Variants in ZNF527 observed in about 807,000 individuals in gnomAD.
ZNF527 encodes the protein zinc finger protein 527.
A neutral mutation model predicts 13.5 loss-of-function variants in ZNF527; 5 were observed. The observed-to-expected ratio is 0.37, with a 90% CI of 0.19 to 0.78. The LOEUF is 0.78. Ranked by LOEUF, ZNF527 falls within the 30% of genes least tolerant of loss-of-function variation. The pLI, the probability that ZNF527 is intolerant of heterozygous loss-of-function variation, is 0.48. For missense variants in ZNF527, 628 were observed against 726.4 expected (o/e 0.86, Z 1.56); for synonymous variants, 209 against 243.1 (o/e 0.86, Z 1.30).
Position 37,389,811 on chromosome 19 carries a change from G to A in ZNF527, c.1762G>A (p.Gly588Arg). Residue 588 changes from glycine to arginine, a missense_variant, in exon 5 of 5, where the codon GGG (glycine) becomes AGG (arginine). Around this residue, in one of 3 missense-constraint regions of ZNF527, gnomAD observed 592 missense variants for 678.0 expected, o/e 0.87. Coordinates refer to ENST00000436120, the MANE Select transcript of ZNF527 (RefSeq NM_032453.2). Reference protein sequence around the residue: ...GEKPYKCNECGNNFSCVSALR... With the variant: ...GEKPYKCNECRNNFSCVSALR... ...AAAACCTTATAAATGTAACGAATGT[G>A]GGAATAATTTTAGCTGTGTCTCAGC... is the stretch of plus-strand genomic sequence containing the variant. 2 of 1,613,166 alleles carry A rather than the reference G, an allele frequency of 1.2e-6. No homozygotes were observed. Among genetic ancestry groups the A allele is most frequent in the Non-Finnish European group, 1.7e-6 (2 of 1,179,958 alleles).
chr19:37,384,966 C>A (rs761126206), intron 4 of ZNF527: 10 of 701,904 alleles, frequency 1.4e-5, no homozygotes, highest in South Asian at 7.4e-5. Context: ...CCTCAGCATG[C>A]ACACCACTGC....
chr19:37,373,443 T>G (rs1346489923), intron 1 of ZNF527, among the ~76,000 whole-genome samples: 1 of 152,198 alleles, frequency 6.6e-6, no homozygotes, highest in Admixed American at 6.5e-5. Flanking sequence ...ATTTATTCAT[T>G]TATCTAATTT....
intron 2 of ZNF527, among the ~76,000 whole-genome samples, chr19:37,376,948 A>G (rs2040613585): frequency 6.6e-6 from 1 of 152,154 alleles, no homozygotes; most frequent in African/African-American, 2.4e-5. Flanking sequence ...AATAAAAATG[A>G]TATTTTTTCT....
chr19:37,382,059 A>G (rs1023289546), intron 4 of ZNF527, among the ~76,000 whole-genome samples: 120 of 152,138 alleles, frequency 7.9e-4, no homozygotes, highest in Non-Finnish European at 3.1e-4. Flanking sequence ...ACCTTCTGAC[A>G]TGCCCCCATG....
chr19:37,385,035 A>G (rs1383461016), intron 4 of ZNF527: 1 of 688,952 alleles, frequency 1.5e-6, no homozygotes, highest in South Asian at 1.5e-5. Flanking sequence ...TGTGTTGCCC[A>G]GGCTGGTCTA....
chr19:37,372,557 C>T (rs573000038), intron 1 of ZNF527, among the ~76,000 whole-genome samples: 1 of 144,518 alleles, frequency 6.9e-6, no homozygotes, highest in Non-Finnish European at 1.5e-5. Flanking sequence ...ACAGCACCCT[C>T]TACCTCCTGG....
chr19:37,373,824 G>A (rs993262367), intron 1 of ZNF527, among the ~76,000 whole-genome samples: 1 of 152,204 alleles, frequency 6.6e-6, no homozygotes, highest in African/African-American at 2.4e-5. Flanking sequence ...AGTAACAGTA[G>A]GAAGACATGT....
chr19:37,372,462 CTTTTCTTTTTT>C (rs1157100020), intron 1 of ZNF527, among the ~76,000 whole-genome samples: 22 of 106,684 alleles, frequency 2.1e-4, no homozygotes, highest in African/African-American at 3.2e-4. Context: ...CTTTTCTTTT[CTTTTCTTTTTT>C]TTTTTTTTTT....
In ZNF527 at chr19:37,388,782, C is replaced by T; in HGVS notation, c.733C>T (p.Pro245Ser). The change falls in exon 5 of 5, where the codon CCT becomes TCT. Residue 245 changes from proline (P) to serine (S), a missense_variant. Pro to Ser is a moderately conservative substitution (Grantham distance 74). This residue lies in a region of ZNF527 where 592 missense variants were observed against 678.0 expected (regional missense o/e 0.87). Transcript: ENST00000436120. ...KDIGIPPGEK[P>S]YESHDFSKLL... ...TATAGGAATTCCTCCTGGGGAGAAA[C>T]CTTATGAAAGTCATGATTTTTCAAA... 1.2e-6 allele frequency: 2 copies of T among 1,612,982 alleles called. No individual in the cohort carries two copies. The highest frequency in any genetic ancestry group is 1.7e-6 in the Non-Finnish European group (2 of 1,179,802).
chr19:37,376,690 A>T (rs2040611226), intron 2 of ZNF527, among the ~76,000 whole-genome samples: 1 of 146,838 alleles, frequency 6.8e-6, no homozygotes, highest in Non-Finnish European at 1.5e-5. Context: ...TCCAAAAAAA[A>T]AAAAAAAAAA....
rs2040760236 is a variant in ZNF527, at chr19:37,392,173, CAT to C, written c.*2297_*2298del. ...AACTTATGTTACATCTAATCTGAAA[CAT>C]ATTAATATTATAAGCTTAATTCATG... is the stretch of plus-strand genomic sequence containing the variant. On this transcript the variant is annotated 3_prime_UTR_variant, in exon 5 of 5. Coordinates refer to ENST00000436120, the MANE Select transcript of ZNF527 (RefSeq NM_032453.2). The C allele has an allele frequency of 6.6e-6, 1 of 151,928 alleles. No individual in the cohort carries two copies. Among genetic ancestry groups the C allele is most frequent in the Non-Finnish European group, 1.5e-5 (1 of 67,996 alleles). The allele number at this position is 151,928 out of a possible 1,614,324, so 9.4% of individuals were successfully genotyped here. A position where few individuals can be genotyped will look rare whatever the true frequency, so the allele number is the denominator to read the frequency against.
At chr19:37,380,138 C>T in intron 3 of ZNF527, 139 bp from the exon 4 acceptor site, 1 of 1,423,372 alleles carries the variant, frequency 7.0e-7, no homozygotes, top group South Asian at 1.5e-5. Flanking sequence ...TCATTCCATT[C>T]TCTAGCTCTT....
chr19:37,386,330 C>A (rs8112900), intron 4 of ZNF527, among the ~76,000 whole-genome samples: 1 of 151,736 alleles, frequency 6.6e-6, no homozygotes, highest in Admixed American at 6.6e-5. Context: ...TCAGTAGAGA[C>A]GAGGTTTCAC....
At chr19:37,381,103 T>C (rs1248978397) in intron 4 of ZNF527, among the ~76,000 whole-genome samples, 1 of 152,226 alleles carries the variant, frequency 6.6e-6, no homozygotes, top group African/African-American at 2.4e-5. Flanking sequence ...TATTTTATTA[T>C]GGCCATTTAG....
chr19:37,381,296 T>C (rs2040651885), intron 4 of ZNF527, among the ~76,000 whole-genome samples: 1 of 152,210 alleles, frequency 6.6e-6, no homozygotes, highest in South Asian at 2.1e-4. Context: ...TCTTTCAAGA[T>C]ACTTGGACAT....
In ZNF527 at chr19:37,390,409, G is replaced by C. The variant is rs2040743115; in HGVS notation, c.*530G>C. On this transcript the variant is annotated 3_prime_UTR_variant, in exon 5 of 5. Transcript: ENST00000436120. ...ATGATTCAGATGAAACTGTTAATCAGGGACAGCAGTGGACTGGTCACAGGC... is the reference window on the plus strand; with the variant it reads ...ATGATTCAGATGAAACTGTTAATCACGGACAGCAGTGGACTGGTCACAGGC... The C allele has an allele frequency of 6.5e-6, 1 of 154,104 alleles. No homozygotes were observed. Among genetic ancestry groups the C allele is most frequent in the Admixed American group, 6.4e-5 (1 of 15,634 alleles). 9.5% of individuals were successfully genotyped at this position (154,104 alleles called of 1,614,324 possible). A position where few individuals can be genotyped will look rare whatever the true frequency, so the allele number is the denominator to read the frequency against.
chr19:37,387,083 A>C (rs1331055611), intron 4 of ZNF527, among the ~76,000 whole-genome samples: 1 of 152,138 alleles, frequency 6.6e-6, no homozygotes, highest in Non-Finnish European at 1.5e-5. Flanking sequence ...GATGAATAAT[A>C]TTTCCTTTTC....
intron 3 of ZNF527, among the ~76,000 whole-genome samples, chr19:37,379,892 C>T (rs2040639081): frequency 1.3e-5 from 2 of 152,196 alleles, no homozygotes; most frequent in Admixed American, 6.5e-5. Flanking sequence ...TCTAGACCTA[C>T]AAAATCAGAA....
intron 4 of ZNF527, among the ~76,000 whole-genome samples, chr19:37,382,302 T>C (rs1347479155): frequency 2.0e-5 from 3 of 151,286 alleles, no homozygotes; most frequent in Non-Finnish European, 4.4e-5. Flanking sequence ...GATAGATAGA[T>C]AGATAGATAG....
Sources: gnomAD v4.1 joint callset for allele counts (sites outside exome capture counted in the v4.1 genomes callset) on GRCh38, gnomAD v4.1.1 for gene constraint, gnomAD v4.1.1 regional missense constraint, MANE v1.5 for transcripts, NCBI Gene and HGNC (gene_info 2026-07-23, HGNC 2026-07-21) for gene names.